Variants in CCDC146 observed in about 807,000 individuals in gnomAD.
CCDC146 encodes the protein coiled-coil domain-containing protein 146.
In CCDC146, 92 loss-of-function variants were observed where a neutral mutation model predicts 119.3. That is an observed-to-expected ratio of 0.77 (90% confidence interval 0.65 to 0.92). The LOEUF is 0.92. Ranked by LOEUF, CCDC146 falls within the 40% of genes least tolerant of loss-of-function variation. The probability of loss-of-function intolerance (pLI) is 0.00; values close to 1 mark genes in which losing one functional copy is unlikely to be tolerated. For missense variants in CCDC146, 1,000 were observed against 1,103.0 expected (o/e 0.91, Z 1.32); for synonymous variants, 372 against 371.8 (o/e 1.00, Z -0.01).
chr7:77,250,864 G>T (rs1793044656), intron 4 of CCDC146, among the ~76,000 whole-genome samples: 1 of 140,272 alleles, frequency 7.1e-6, no homozygotes. Context: ...GTAGTGTCTA[G>T]TAAGATATCC....
At chr7:77,209,004 C>T (rs2150446147) in intron 2 of CCDC146, among the ~76,000 whole-genome samples, 1 of 152,276 alleles carries the variant, frequency 6.6e-6, no homozygotes, top group East Asian at 1.9e-4. Flanking sequence ...GGACACAAAG[C>T]CAAACCACAT....
chr7:77,167,091 T>TTTGGCTTTTTCTTTTA (rs1174595638), intron 1 of CCDC146, among the ~76,000 whole-genome samples: 2 of 152,204 alleles, frequency 1.3e-5, no homozygotes, highest in Non-Finnish European at 2.9e-5. Flanking sequence ...TGGCAATTAT[T>TTTGGCTTTTTCTTTTA]TTTAGCACAC....
intron 18 of CCDC146, among the ~76,000 whole-genome samples, chr7:77,294,304 G>A (rs1794003582): frequency 6.6e-6 from 1 of 152,176 alleles, no homozygotes; most frequent in Non-Finnish European, 1.5e-5. Context: ...AGCAGTCTTT[G>A]AAAAACACTA....
intron 2 of CCDC146, chr7:77,198,118 TC>T: frequency 1.0e-6 from 1 of 985,406 alleles, no homozygotes; most frequent in Non-Finnish European, 1.2e-6. Flanking sequence ...CCCACTGATG[TC>T]ACCTAAGCGG....
intron 4 of CCDC146, 67 bp from the exon 5 acceptor site, chr7:77,254,439 A>G: frequency 1.1e-6 from 1 of 879,198 alleles, no homozygotes; most frequent in Non-Finnish European, 1.8e-6. Flanking sequence ...GAGAAGATAG[A>G]AAGTTGTTAT....
intron 4 of CCDC146, among the ~76,000 whole-genome samples, chr7:77,243,159 G>A (rs1792881296): frequency 6.6e-6 from 1 of 152,142 alleles, no homozygotes; most frequent in South Asian, 2.1e-4. Flanking sequence ...ACATAAGTCA[G>A]TTGATATTTA....
At position 77,260,252 on chromosome 7, in the gene CCDC146, GTATGT is replaced by G; in HGVS notation, c.986+23_986+27del. The G allele has an allele frequency of 1.3e-6, 2 of 1,567,954 alleles. No homozygotes were observed. The highest frequency in any genetic ancestry group is 1.2e-5 in the South Asian group (1 of 86,818). Reference sequence around the variant, plus strand: ...TAACTGAAAGGTTAGTTATATTTATGTATGTTATGTTCTGTCATCTAAATTTTTCT... The same window carrying G: ...TAACTGAAAGGTTAGTTATATTTATGTATGTTCTGTCATCTAAATTTTTCT... On this transcript the variant is annotated intron_variant, in intron 8 of 18. Transcript: ENST00000285871.
At chr7:77,236,431 A>C (rs1018143282) in intron 2 of CCDC146, among the ~76,000 whole-genome samples, 2 of 152,222 alleles carry the variant, frequency 1.3e-5, no homozygotes, top group African/African-American at 4.8e-5. Flanking sequence ...ACTTGGGTTT[A>C]AATTCTCACC....
chr7:77,218,379 A>G (rs1424367034), intron 2 of CCDC146, among the ~76,000 whole-genome samples: 1 of 151,862 alleles, frequency 6.6e-6, no homozygotes, highest in Non-Finnish European at 1.5e-5. Flanking sequence ...AAATGCCCAC[A>G]AGGCCCATAA....
Position 77,294,855 on chromosome 7 carries a change from G to C in CCDC146, c.2857G>C (p.Val953Leu). 6.2e-7 allele frequency: 1 copy of C among 1,613,580 alleles called. No homozygotes were observed. Among genetic ancestry groups the C allele is most frequent in the Non-Finnish European group, 8.5e-7 (1 of 1,179,934 alleles). ...RHIRKPVIKP[V>L]EI The stretch of plus-strand genomic sequence containing the variant: ...CATAAGGAAACCTGTTATAAAGCCA[G>C]TTGAAATCTGAATATGTGAACAAAT... Residue 953 changes from valine (V) to leucine (L), a missense_variant, in exon 19 of 19, where the codon GTT (valine) becomes CTT (leucine). Around this residue, in one of 2 missense-constraint regions of CCDC146, gnomAD observed 985 missense variants for 1,045.3 expected, o/e 0.94. Transcript: ENST00000285871.
At chr7:77,257,163 A>G (rs2150509988) in intron 6 of CCDC146, 1 of 152,126 alleles carries the variant, frequency 6.6e-6, no homozygotes, top group Non-Finnish European at 1.5e-5. Context: ...ATACCAAAAC[A>G]ACCAAATGTC....
Position 77,265,687 on chromosome 7 carries a change from T to C in CCDC146, c.1173+3380T>C, listed in dbSNP as rs1584126528. On this transcript the variant is annotated intron_variant, in intron 9 of 18. Coordinates refer to ENST00000285871, the MANE Select transcript of CCDC146 (RefSeq NM_020879.3). ...CCACTTCTAGTTAAAATAGAAAACA[T>C]TGTGATGGACCATCGTTTCTGCTAT... Among the ~76,000 whole-genome samples, 3 of 152,200 alleles carry C rather than the reference T, an allele frequency of 2.0e-5. No individual in the cohort carries two copies. In the South Asian group the frequency reaches 6.2e-4, roughly 32 times the overall value.
In CCDC146 at chr7:77,280,644, G is replaced by T. The variant is rs773685054; in HGVS notation, c.1910G>T (p.Arg637Leu). The change falls in exon 14 of 19, where the codon CGA becomes CTA. Residue 637 changes from arginine (R) to leucine (L), a missense_variant. By Grantham distance (102) the Arg-to-Leu change is moderately radical (BLOSUM62 -2). Transcript: ENST00000285871. ...AGATACGAAAAAGCTGTTCAGCATC[G>T]AAATGAAAGGTAAAAACCAGGTGTG... ...RKRYEKAVQH[R>L]NESGVQLIER... The T allele has an allele frequency of 3.1e-6, 5 of 1,608,994 alleles. No individual in the cohort carries two copies. Among genetic ancestry groups the T allele is most frequent in the Non-Finnish European group, 4.2e-6 (5 of 1,177,428 alleles).
intron 2 of CCDC146, among the ~76,000 whole-genome samples, chr7:77,206,760 C>A (rs190467352): frequency 1.3e-3 from 202 of 150,408 alleles, no homozygotes; most frequent in South Asian, 0.012. Flanking sequence ...TGTTATATGT[C>A]ATGCCATATA....
chr7:77,150,896 C>G (rs955644195), intron 1 of CCDC146, among the ~76,000 whole-genome samples: 21 of 152,256 alleles, frequency 1.4e-4, no homozygotes, highest in Non-Finnish European at 2.2e-4. Context: ...AATACTGATA[C>G]CCACAACAAT....
intron 1 of CCDC146, among the ~76,000 whole-genome samples, chr7:77,144,299 G>C (rs989941010): frequency 2.0e-5 from 3 of 151,766 alleles, no homozygotes; most frequent in African/African-American, 7.3e-5. Context: ...TTGCTTATCA[G>C]CTTAAGGAGA....
intron 17 of CCDC146, among the ~76,000 whole-genome samples, chr7:77,290,468 A>T (rs894678582): frequency 6.6e-5 from 10 of 152,248 alleles, no homozygotes; most frequent in Non-Finnish European, 1.5e-5. Context: ...AATTCATTTA[A>T]AAAAGGAAAG....
At chr7:77,192,576 T>C (rs2150425850) in intron 2 of CCDC146, among the ~76,000 whole-genome samples, 2 of 152,290 alleles carry the variant, frequency 1.3e-5, no homozygotes, top group South Asian at 4.1e-4. Flanking sequence ...GTATAAGTAG[T>C]GGTAAAAATC....
At chr7:77,258,921 A>G in intron 6 of CCDC146, 74 bp from the exon 7 acceptor site, 1 of 950,624 alleles carries the variant, frequency 1.1e-6, no homozygotes, top group Non-Finnish European at 1.7e-6. Context: ...TTTCTCTCTC[A>G]TATTTAATTT....
Sources: allele counts gnomAD v4.1 joint callset (sites outside exome capture counted in the v4.1 genomes callset), GRCh38; gene constraint gnomAD v4.1.1; regional missense constraint gnomAD v4.1.1; transcripts MANE v1.5; gene names NCBI Gene and HGNC (gene_info 2026-07-23, HGNC 2026-07-21).